ARHGEF28: variants seen among roughly 807,000 people sequenced by gnomAD.
ARHGEF28 encodes the protein Rho guanine nucleotide exchange factor 28.
Under a neutral mutation model 206.6 loss-of-function variants are expected in ARHGEF28, and 152 were observed. That is an observed-to-expected ratio of 0.74 (90% CI 0.64 to 0.84). The LOEUF is 0.84. Ranked by LOEUF, ARHGEF28 falls within the 40% of genes least tolerant of loss-of-function variation. The pLI, the probability that ARHGEF28 is intolerant of heterozygous loss-of-function variation, is 0.00. For missense variants in ARHGEF28, 2,028 were observed against 2,073.2 expected (o/e 0.98, Z 0.42); for synonymous variants, 763 against 776.4 (o/e 0.98, Z 0.29).
rs372008526 is a variant in ARHGEF28, at chr5:73,821,865, T to A, written c.1025-10473T>A. 7.9e-5 allele frequency among the ~76,000 whole-genome samples: 12 copies of A among 152,246 alleles called. No homozygotes were observed. The East Asian group carries it at 2.3e-3, about 29-fold the overall frequency. ...GCAAGGGAAGAAAAAAAGTTATTTA[T>A]ACATTCAAGAGTCCTTTTTCCAAAC... On this transcript the variant is annotated intron_variant, in intron 9 of 35. Coordinates refer to ENST00000513042, the MANE Select transcript of ARHGEF28 (RefSeq NM_001177693.2).
intron 1 of ARHGEF28, among the ~76,000 whole-genome samples, chr5:73,675,403 G>T (rs1746591716): frequency 6.6e-6 from 1 of 152,090 alleles, no homozygotes; most frequent in Non-Finnish European, 1.5e-5. Context: ...AAAAAGACTT[G>T]CCTGAGGTTC....
intron 9 of ARHGEF28, among the ~76,000 whole-genome samples, chr5:73,828,860 G>T (rs1293386298): frequency 6.8e-6 from 1 of 147,636 alleles, no homozygotes; most frequent in Non-Finnish European, 1.5e-5. Flanking sequence ...TTATTCTGTC[G>T]TCCAGGCTGG....
intron 1 of ARHGEF28, among the ~76,000 whole-genome samples, chr5:73,664,300 T>C (rs1308861735): frequency 1.3e-5 from 2 of 152,244 alleles, no homozygotes; most frequent in Non-Finnish European, 2.9e-5. Context: ...TCCATCTATT[T>C]ATTGAAACTG....
chr5:73,814,995 A>G (rs1325934430), intron 9 of ARHGEF28, among the ~76,000 whole-genome samples: 1 of 152,150 alleles, frequency 6.6e-6, no homozygotes, highest in Non-Finnish European at 1.5e-5. Flanking sequence ...ATTTTAAGAC[A>G]TTAAAATTAA....
intron 2 of ARHGEF28, among the ~76,000 whole-genome samples, chr5:73,723,278 T>C (rs1406800243): frequency 6.6e-6 from 1 of 152,172 alleles, no homozygotes; most frequent in Non-Finnish European, 1.5e-5. Flanking sequence ...AACCTCTGCC[T>C]CCCGGGTTCA....
intron 14 of ARHGEF28, among the ~76,000 whole-genome samples, chr5:73,855,671 G>A (rs1758981106): frequency 6.6e-6 from 1 of 151,784 alleles, no homozygotes; most frequent in Admixed American, 6.6e-5. Context: ...GCCTGAGGTT[G>A]CAGTGAGCCA....
intron 6 of ARHGEF28, among the ~76,000 whole-genome samples, chr5:73,778,607 A>G (rs920131239): frequency 6.6e-6 from 1 of 152,148 alleles, no homozygotes; most frequent in East Asian, 1.9e-4. Flanking sequence ...GTGAGCAGAG[A>G]GACCGAGAAG....
intron 4 of ARHGEF28, among the ~76,000 whole-genome samples, chr5:73,765,538 A>AC (rs1752847019): frequency 6.6e-6 from 1 of 152,214 alleles, no homozygotes. Context: ...TCTACAAAAC[A>AC]CCTATTTTCA....
intron 22 of ARHGEF28, among the ~76,000 whole-genome samples, chr5:73,879,737 G>A (rs1760779510): frequency 6.6e-6 from 1 of 152,218 alleles, no homozygotes; most frequent in African/African-American, 2.4e-5. Context: ...CTGCAGAAAT[G>A]TGGATTTTTG....
Position 73,711,446 on chromosome 5 carries a change from G to A in ARHGEF28, c.33+26562G>A, listed in dbSNP as rs180691099. ...TAAAATCTTAAAAATATTGAGGCTT[G>A]TGGTCTATGAACATTGTATGTTCTC... On this transcript the variant is annotated intron_variant, in intron 2 of 35. Coordinates refer to ENST00000513042, the MANE Select transcript of ARHGEF28 (RefSeq NM_001177693.2). Among the ~76,000 whole-genome samples the A allele has an allele frequency of 8.5e-5, 13 of 152,220 alleles. No individual in the cohort carries two copies. The East Asian group carries it at 2.5e-3, about 29-fold the overall frequency.
chr5:73,794,050 C>T (rs1046340133), intron 7 of ARHGEF28, among the ~76,000 whole-genome samples: 1 of 152,122 alleles, frequency 6.6e-6, no homozygotes, highest in Non-Finnish European at 1.5e-5. Flanking sequence ...CAGGTGGGTA[C>T]GAGTCACGTC....
chr5:73,781,104 C>G (rs547769284), intron 7 of ARHGEF28, among the ~76,000 whole-genome samples: 2 of 152,218 alleles, frequency 1.3e-5, no homozygotes, highest in South Asian at 2.1e-4. Flanking sequence ...TTTCTTCCAC[C>G]TTTGTGGATC....
At chr5:73,780,562 C>T (rs1216614444) in intron 6 of ARHGEF28, 114 bp from the exon 7 acceptor site, 9 of 1,129,016 alleles carry the variant, frequency 8.0e-6, no homozygotes, top group Non-Finnish European at 1.1e-5. Flanking sequence ...CCTCTATTTC[C>T]CAACCTCCTA....
intron 2 of ARHGEF28, among the ~76,000 whole-genome samples, chr5:73,689,008 G>T (rs1254873780): frequency 6.6e-6 from 1 of 152,172 alleles, no homozygotes; most frequent in African/African-American, 2.4e-5. Flanking sequence ...AAGTTGTTTT[G>T]TTCCTTGCTT....
In ARHGEF28 at chr5:73,678,670, G is replaced by A. The variant is rs147629871; in HGVS notation, c.-11-6171G>A. Among the ~76,000 whole-genome samples the A allele has an allele frequency of 1.8e-4, 27 of 152,170 alleles. No homozygotes were observed. In the East Asian group the frequency reaches 2.7e-3, roughly 15 times the overall value. ...ATGGGCTCCCGTGAGCTTGCCACAC[G>A]CCACAGGCTATGCCTAATTCTACAA... On this transcript the variant is annotated intron_variant, in intron 1 of 35. Coordinates refer to ENST00000513042, the MANE Select transcript of ARHGEF28 (RefSeq NM_001177693.2).
intron 2 of ARHGEF28, among the ~76,000 whole-genome samples, chr5:73,715,095 A>G (rs183730570): frequency 6.0e-4 from 91 of 152,372 alleles, no homozygotes; most frequent in East Asian, 3.3e-3. Context: ...CTCCCCTTGT[A>G]TGAATCAGAG....
At chr5:73,927,851 C>A (rs1277281543) in intron 35 of ARHGEF28, among the ~76,000 whole-genome samples, 1 of 152,130 alleles carries the variant, frequency 6.6e-6, no homozygotes, top group Non-Finnish European at 1.5e-5. Flanking sequence ...TTCATATCTG[C>A]ACTAAACGAA....
At chr5:73,684,788 G>A (rs1747341455) in intron 1 of ARHGEF28, 53 bp from the exon 2 acceptor site, 8 of 1,533,350 alleles carry the variant, frequency 5.2e-6, no homozygotes, top group Middle Eastern at 2.0e-4. Context: ...TCTGCTGGTC[G>A]GTTCCATGGG....
intron 11 of ARHGEF28, among the ~76,000 whole-genome samples, chr5:73,844,557 A>AT (rs971750607): frequency 8.8e-5 from 13 of 148,204 alleles, no homozygotes; most frequent in Admixed American, 2.0e-4. Flanking sequence ...TAAATAGCCT[A>AT]TTTTTTTTTA....
Sources: allele counts gnomAD v4.1 joint callset (sites outside exome capture counted in the v4.1 genomes callset), GRCh38; gene constraint gnomAD v4.1.1; transcripts MANE v1.5; gene names NCBI Gene and HGNC (gene_info 2026-07-23, HGNC 2026-07-21).